CSMD1: variants seen among roughly 807,000 people sequenced by gnomAD.
CSMD1 encodes the protein CUB and sushi domain-containing protein 1.
Under a neutral mutation model 417.5 loss-of-function variants are expected in CSMD1, and 213 were observed. The ratio of observed to expected loss-of-function variants is 0.51; its 90% confidence interval spans 0.46 to 0.57. The LOEUF (loss-of-function observed/expected upper bound fraction) is 0.57, where lower values mean the gene tolerates loss of function less well. Among genes scored for constraint, CSMD1 ranks in the 20% least tolerant of loss-of-function variants. CSMD1 has a pLI of 0.00. For missense variants in CSMD1, 6,923 were observed against 4,529.7 expected (o/e 1.53, Z -15.17); for synonymous variants, 2,862 against 1,736.8 (o/e 1.65, Z -16.11).
At chr8:4,147,441 G>C (rs1054798695) in intron 3 of CSMD1, among the ~76,000 whole-genome samples, 2 of 151,946 alleles carry the variant, frequency 1.3e-5, no homozygotes, top group Non-Finnish European at 2.9e-5. Flanking sequence ...CTACCTTCTG[G>C]AAAGTCCCAC....
chr8:3,601,493 C>CAGG (rs1801359311), intron 8 of CSMD1, among the ~76,000 whole-genome samples: 1 of 152,158 alleles, frequency 6.6e-6, no homozygotes, highest in African/African-American at 2.4e-5. Flanking sequence ...ATACACCAGG[C>CAGG]AGGCCAATGG....
At chr8:4,407,302 G>A (rs555857010) in intron 3 of CSMD1, among the ~76,000 whole-genome samples, 1 of 152,284 alleles carries the variant, frequency 6.6e-6, no homozygotes. Context: ...TAAAATCACT[G>A]CTATAATATA....
chr8:3,191,036 G>A (rs977263509), intron 33 of CSMD1, among the ~76,000 whole-genome samples: 1 of 152,146 alleles, frequency 6.6e-6, no homozygotes, highest in East Asian at 1.9e-4. Flanking sequence ...GTATGCCCTG[G>A]AGACCTGCTC....
At chr8:4,476,305 C>G (rs751355724) in intron 2 of CSMD1, among the ~76,000 whole-genome samples, 1 of 152,032 alleles carries the variant, frequency 6.6e-6, no homozygotes, top group Non-Finnish European at 1.5e-5. Flanking sequence ...TGTATCTATT[C>G]TAACACGAAA....
chr8:4,507,632 A>C (rs1802596265), intron 2 of CSMD1, among the ~76,000 whole-genome samples: 1 of 152,196 alleles, frequency 6.6e-6, no homozygotes, highest in South Asian at 2.1e-4. Context: ...ATTGTGACAA[A>C]AAAGAAAGTT....
Position 3,492,501 on chromosome 8 carries a change from A to T in CSMD1, c.1448+1122T>A, listed in dbSNP as rs113505490. 3.9e-3 allele frequency among the ~76,000 whole-genome samples: 597 copies of T among 152,280 alleles called. 8 individuals are homozygous for T. The highest frequency in any genetic ancestry group is 0.013 in the African/African-American group (543 of 41,540). On this transcript the variant is annotated intron_variant, in intron 11 of 69. Coordinates refer to ENST00000635120, the MANE Select transcript of CSMD1 (RefSeq NM_033225.6). ...TGGTTTAGTGGTTTCAAGATCTACA[A>T]CATGAAGAGAAGCTATCTGTGGAGT...
At chr8:3,063,731 G>T (rs1467021009) in intron 49 of CSMD1, among the ~76,000 whole-genome samples, 5 of 152,146 alleles carry the variant, frequency 3.3e-5, no homozygotes, top group African/African-American at 1.2e-4. Context: ...GCCATAAAAA[G>T]ACAAATACTA....
intron 7 of CSMD1, among the ~76,000 whole-genome samples, chr8:3,650,631 G>C (rs926845366): frequency 6.6e-6 from 1 of 152,122 alleles, no homozygotes; most frequent in Admixed American, 6.5e-5. Flanking sequence ...TCCCGGCTGT[G>C]GATATTTAAG....
At chr8:4,116,810 C>G (rs1380459814) in intron 3 of CSMD1, among the ~76,000 whole-genome samples, 1 of 141,236 alleles carries the variant, frequency 7.1e-6, no homozygotes, top group African/African-American at 2.6e-5. Flanking sequence ...TAAAACTACT[C>G]TAAAAAATAG....
At chr8:4,645,111 C>T (rs978428563) in intron 1 of CSMD1, among the ~76,000 whole-genome samples, 4 of 152,126 alleles carry the variant, frequency 2.6e-5, no homozygotes, top group South Asian at 2.1e-4. Flanking sequence ...GCCTGATTGT[C>T]GAAAGCTCCT....
At chr8:3,106,685 T>TCACACA in intron 45 of CSMD1, 44 bp from the exon 46 acceptor site, 1 of 1,203,134 alleles carries the variant, frequency 8.3e-7, no homozygotes, top group Non-Finnish European at 1.2e-6. Context: ...TGTGTGACCT[T>TCACACA]CTGAGTGTGT....
intron 41 of CSMD1, among the ~76,000 whole-genome samples, chr8:3,136,034 T>C (rs1412392131): frequency 6.6e-6 from 1 of 152,032 alleles, no homozygotes; most frequent in East Asian, 1.9e-4. Context: ...CTAGTTTCAT[T>C]CAGATTTCTA....
intron 11 of CSMD1, among the ~76,000 whole-genome samples, chr8:3,487,405 G>C (rs534342665): frequency 6.6e-6 from 1 of 152,088 alleles, no homozygotes; most frequent in Admixed American, 6.5e-5. Flanking sequence ...GTTTCACCAT[G>C]TTAGCCAGGA....
chr8:4,312,095 G>C (rs1426932951), intron 3 of CSMD1, among the ~76,000 whole-genome samples: 1 of 152,044 alleles, frequency 6.6e-6, no homozygotes, highest in Non-Finnish European at 1.5e-5. Flanking sequence ...ATTTCCAGGA[G>C]TTAAAAAAGT....
At chr8:4,398,181 C>T (rs997631303) in intron 3 of CSMD1, among the ~76,000 whole-genome samples, 1 of 152,096 alleles carries the variant, frequency 6.6e-6, no homozygotes, top group African/African-American at 2.4e-5. Context: ...GACAACAGAA[C>T]TCCAAGTAGC....
chr8:3,957,776 T>G (rs923190580), intron 5 of CSMD1, among the ~76,000 whole-genome samples: 1 of 152,084 alleles, frequency 6.6e-6, no homozygotes, highest in East Asian at 1.9e-4. Flanking sequence ...CTATTTTCCA[T>G]GCCAAGAAGA....
chr8:3,330,494 A>C (rs981070867), intron 23 of CSMD1, among the ~76,000 whole-genome samples: 1 of 152,208 alleles, frequency 6.6e-6, no homozygotes, highest in Non-Finnish European at 1.5e-5. Context: ...CTAAGGCAGA[A>C]ACAGGAAACC....
At chr8:4,645,525 C>G (rs1305735978) in intron 1 of CSMD1, among the ~76,000 whole-genome samples, 1 of 140,098 alleles carries the variant, frequency 7.1e-6, no homozygotes, top group Non-Finnish European at 1.5e-5. Context: ...TAATTTGCTG[C>G]ATGGAGCATT....
Position 3,082,918 on chromosome 8 carries a change from G to A in CSMD1, c.7474+4179C>T, listed in dbSNP as rs529256671. 7.2e-5 allele frequency among the ~76,000 whole-genome samples: 11 copies of A among 152,274 alleles called. No individual in the cohort carries two copies. In the South Asian group the frequency reaches 2.1e-3, roughly 29 times the overall value. On this transcript the variant is annotated intron_variant, in intron 49 of 69. Coordinates refer to ENST00000635120, the MANE Select transcript of CSMD1 (RefSeq NM_033225.6). ...CTCATGTCCCAGCTTTATATCGAATGTGAACATCTGCGGGAAAAATAAAAT... is the reference window on the plus strand; with the variant it reads ...CTCATGTCCCAGCTTTATATCGAATATGAACATCTGCGGGAAAAATAAAAT...
Sources: gnomAD v4.1 joint callset for allele counts (sites outside exome capture counted in the v4.1 genomes callset) on GRCh38, gnomAD v4.1.1 for gene constraint, MANE v1.5 for transcripts, NCBI Gene and HGNC (gene_info 2026-07-23, HGNC 2026-07-21) for gene names.